P2RX7: variants seen among roughly 807,000 people sequenced by gnomAD.
P2RX7 encodes the protein P2X purinoceptor 7.
In P2RX7, 62 loss-of-function variants were observed where a neutral mutation model predicts 71.6. That is an observed-to-expected ratio of 0.87 (90% confidence interval 0.71 to 1.07). The LOEUF (loss-of-function observed/expected upper bound fraction) is 1.07, where lower values mean the gene tolerates loss of function less well. Among genes scored for constraint, P2RX7 ranks in the 50% least tolerant of loss-of-function variants. P2RX7 has a pLI of 0.00. For missense variants in P2RX7, 686 were observed against 748.5 expected (o/e 0.92, Z 0.97); for synonymous variants, 299 against 283.3 (o/e 1.06, Z -0.56).
At chr12:121,145,698 G>A (rs1197937873) in intron 1 of P2RX7, among the ~76,000 whole-genome samples, 1 of 151,868 alleles carries the variant, frequency 6.6e-6, no homozygotes, top group Non-Finnish European at 1.5e-5. Flanking sequence ...AGTAGAGACG[G>A]GGTTTCACCA....
At chr12:121,165,846 G>C (rs142533693) in intron 6 of P2RX7, among the ~76,000 whole-genome samples, 1 of 152,290 alleles carries the variant, frequency 6.6e-6, no homozygotes, top group East Asian at 1.9e-4. Flanking sequence ...ACAGTCTTTG[G>C]GGGGAGACCC....
In P2RX7 at chr12:121,149,201, G is replaced by A; in HGVS notation, c.126-5584G>A. 1 of 393,740 alleles carries A rather than the reference G, an allele frequency of 2.5e-6. No individual in the cohort carries two copies. The allele number at this position is 393,740 out of a possible 1,614,324, so 24.4% of individuals were successfully genotyped here. A position where few individuals can be genotyped will look rare whatever the true frequency, so the allele number is the denominator to read the frequency against. ...ATGGTGGGCACCTTCATCTCCATCT[G>A]GTGGGTCCAGAGCAAGCAGCCTCAG... On this transcript the variant is annotated intron_variant, in intron 1 of 12. Coordinates refer to ENST00000328963, the MANE Select transcript of P2RX7 (RefSeq NM_002562.6). The surrounding 1 kb of genome is among the most constrained non-coding windows in gnomAD (Gnocchi z 4.7).
chr12:121,153,174 TGG>T (rs1877817578), intron 1 of P2RX7, among the ~76,000 whole-genome samples: 1 of 152,130 alleles, frequency 6.6e-6, no homozygotes, highest in Non-Finnish European at 1.5e-5. Context: ...TCTCCAGGGA[TGG>T]GACTGGGGAC....
intron 5 of P2RX7, among the ~76,000 whole-genome samples, chr12:121,164,578 C>T (rs208299): frequency 0.3 from 45,309 of 151,698 alleles, 6,975 homozygotes; most frequent in African/African-American, 0.33. Context: ...GTCAGGAGTT[C>T]GATACCAGCC....
intron 1 of P2RX7, among the ~76,000 whole-genome samples, chr12:121,139,733 CTT>C (rs10696338): frequency 1.0e-4 from 13 of 126,734 alleles, no homozygotes; most frequent in African/African-American, 3.1e-4. Context: ...CCCTGACCAT[CTT>C]TTTTTTTTTT....
intron 1 of P2RX7, among the ~76,000 whole-genome samples, chr12:121,145,478 G>A (rs1875953006): frequency 6.6e-6 from 1 of 151,662 alleles, no homozygotes; most frequent in South Asian, 2.1e-4. Context: ...GGAAGTGGAT[G>A]TGATGACTCG....
chr12:121,163,607 AG>A (rs1302876569), intron 5 of P2RX7, among the ~76,000 whole-genome samples: 1 of 87,742 alleles, frequency 1.1e-5, no homozygotes, highest in African/African-American at 4.9e-5. Flanking sequence ...GTAGATAGAT[AG>A]ATAGATAGAT....
At chr12:121,133,179 C>T (rs756456227) in intron 1 of P2RX7, 84 bp downstream of exon 1, 39 of 1,472,546 alleles carry the variant, frequency 2.6e-5, no homozygotes, top group Middle Eastern at 1.8e-4. Context: ...GGTGCACATT[C>T]TGAATCTCAC....
Position 121,185,078 on chromosome 12 carries a change from T to TC in P2RX7, c.*281dup, listed in dbSNP as rs66941982. On this transcript the variant is annotated 3_prime_UTR_variant, in exon 13 of 13. Transcript: ENST00000328963. ...CCAGCCTGGGAGGCACAGCAAACTG[T>TC]CCCCCAAAAAAAAAAAAGAGTCCTT... The TC allele has an allele frequency of 4.7e-4, 94 of 201,524 alleles. No homozygotes were observed. The highest frequency in any genetic ancestry group is 1.5e-3 in the Middle Eastern group (1 of 672). 12.5% of individuals were successfully genotyped at this position (201,524 alleles called of 1,614,324 possible).
intron 1 of P2RX7, among the ~76,000 whole-genome samples, chr12:121,135,777 C>A (rs1873402440): frequency 6.6e-6 from 1 of 151,220 alleles, no homozygotes; most frequent in Non-Finnish European, 1.5e-5. Context: ...CCAAGGCGGG[C>A]AGGTCACTTG....
At chr12:121,170,101 T>A (rs1025614462) in intron 8 of P2RX7, among the ~76,000 whole-genome samples, 4 of 152,170 alleles carry the variant, frequency 2.6e-5, no homozygotes, top group Non-Finnish European at 5.9e-5. Context: ...CTGATGCTTT[T>A]TGCTTCCTCT....
At chr12:121,138,011 A>C (rs1315654968) in intron 1 of P2RX7, among the ~76,000 whole-genome samples, 1 of 152,252 alleles carries the variant, frequency 6.6e-6, no homozygotes, top group Non-Finnish European at 1.5e-5. Flanking sequence ...ATTCAAAGGC[A>C]GGGATGCAGC....
Position 121,165,399 on chromosome 12 carries a change from C to G in P2RX7, c.576C>G (p.Ile192Met), listed in dbSNP as rs775801300. 1.1e-5 allele frequency: 18 copies of G among 1,614,132 alleles called. No homozygotes were observed. Among genetic ancestry groups the G allele is most frequent in the Non-Finnish European group, 1.4e-5 (16 of 1,180,010 alleles). The change falls in exon 6 of 13, where the codon ATC becomes ATG. Residue 192 changes from isoleucine (I) to methionine (M), a missense_variant. Transcript: ENST00000328963. ...LNSAENFTVL[I>M]KNNIDFPGHN... ...GTGCCGAAAACTTCACTGTGCTCAT[C>G]AAGAACAATATCGACTTCCCCGGCC...
chr12:121,183,187 A>G (rs1440558523), intron 12 of P2RX7, among the ~76,000 whole-genome samples: 1 of 151,548 alleles, frequency 6.6e-6, no homozygotes, highest in African/African-American at 2.4e-5. Flanking sequence ...AAAAAAAAAA[A>G]AATTCTTTCT....
At chr12:121,138,567 T>A (rs912800884) in intron 1 of P2RX7, among the ~76,000 whole-genome samples, 1 of 152,166 alleles carries the variant, frequency 6.6e-6, no homozygotes, top group Admixed American at 6.5e-5. Context: ...ATCCAGTGGA[T>A]TTTCCTTAGG....
rs1423075931 is a variant in P2RX7 at position 121,154,918 on chromosome 12, G to A, written c.259G>A (p.Val87Ile). ...TGGAGTGAAGAAGTTGGTGCACAGT[G>A]TCTTTGACACCGCAGACTACACCTT... ...ENGVKKLVHS[V>I]FDTADYTFPL... The change falls in exon 2 of 13, where the codon GTC becomes ATC. Residue 87 changes from valine to isoleucine, a missense_variant. Coordinates refer to ENST00000328963, the MANE Select transcript of P2RX7 (RefSeq NM_002562.6). The surrounding 1 kb of genome is among the most constrained non-coding windows in gnomAD (Gnocchi z 4.2). 5 of 1,613,586 alleles carry A rather than the reference G, an allele frequency of 3.1e-6. No homozygotes were observed. The highest frequency in any genetic ancestry group is 4.2e-6 in the Non-Finnish European group (5 of 1,179,850).
At chr12:121,165,316 C>G (rs201897396) in intron 5 of P2RX7, 41 bp from the exon 6 acceptor site, 5 of 1,535,626 alleles carry the variant, frequency 3.3e-6, no homozygotes, top group Non-Finnish European at 4.5e-6. Context: ...TCCCTCGGTT[C>G]CCCCCGTCAC....
chr12:121,141,402 G>A (rs1051607557), intron 1 of P2RX7, among the ~76,000 whole-genome samples: 2 of 152,192 alleles, frequency 1.3e-5, no homozygotes, highest in African/African-American at 2.4e-5. Context: ...TGCATGGGTA[G>A]CACAGTGTTG....
At chr12:121,150,563 G>A (rs73218239) in intron 1 of P2RX7, among the ~76,000 whole-genome samples, 9 of 152,308 alleles carry the variant, frequency 5.9e-5, no homozygotes, top group Non-Finnish European at 7.3e-5. Context: ...TGCTGATTGG[G>A]TCTCAAATCT....
Sources: gnomAD v4.1 joint callset for allele counts (sites outside exome capture counted in the v4.1 genomes callset) on GRCh38, gnomAD v4.1.1 for gene constraint, Gnocchi (gnomAD v3.1) non-coding constraint, MANE v1.5 for transcripts, NCBI Gene and HGNC (gene_info 2026-07-23, HGNC 2026-07-21) for gene names.